The following ENPP3 variants were observed in gnomAD, a reference collection of about 807,000 sequenced individuals.
ENPP3 encodes the protein ectonucleotide pyrophosphatase/phosphodiesterase 3, also known as ectonucleotide pyrophosphatase/phosphodiesterase family member 3.
A neutral mutation model predicts 117.8 loss-of-function variants in ENPP3; 104 were observed. That is an observed-to-expected ratio of 0.88 (90% confidence interval 0.75 to 1.04). The LOEUF is 1.04. ENPP3 is among the 50% of genes least tolerant of loss of function. The pLI is 0.00. For missense variants in ENPP3, 1,026 were observed against 1,051.9 expected, an observed-to-expected ratio of 0.98 and a Z score of 0.34; for synonymous variants, 380 against 349.9, an observed-to-expected ratio of 1.09 and a Z score of -0.96.
At chr6:131,719,126 G>T (rs879096844) in intron 16 of ENPP3, among the ~76,000 whole-genome samples, 1 of 152,070 alleles carries the variant, frequency 6.6e-6, no homozygotes, top group African/African-American at 2.4e-5. Context: ...GTATTTTGGG[G>T]TACCCTGGGG....
chr6:131,669,554 G>A (rs1224415849), intron 6 of ENPP3, among the ~76,000 whole-genome samples: 2 of 147,260 alleles, frequency 1.4e-5, no homozygotes, highest in South Asian at 4.4e-4. Context: ...GGCACCTGTA[G>A]TCCCAGCTAC....
intron 14 of ENPP3, among the ~76,000 whole-genome samples, chr6:131,691,460 A>G (rs1256748369): frequency 6.6e-6 from 1 of 151,206 alleles, no homozygotes; most frequent in Non-Finnish European, 1.5e-5. Flanking sequence ...ATGGTGGTGG[A>G]TGCCTGTAAT....
At position 131,676,758 on chromosome 6, in the gene ENPP3, A is replaced by G. The variant is rs140339528; in HGVS notation, c.895A>G (p.Ile299Val). ...CAGAAGTGTCCCATTTGAAGAGAGG[A>G]TTTCTACACTGTTAAAATGGCTGGA... ...YNGSVPFEER[I>V]STLLKWLDLP... The change falls in exon 10 of 25, where the codon ATT becomes GTT. Residue 299 changes from isoleucine (I) to valine (V), a missense_variant. Physicochemically the swap from Ile to Val is conservative, Grantham distance 29. Coordinates refer to ENST00000357639, the MANE Select transcript of ENPP3 (RefSeq NM_005021.5). The G allele has an allele frequency of 1.2e-6, 2 of 1,610,082 alleles. No individual in the cohort carries two copies. The highest frequency in any genetic ancestry group is 1.7e-6 in the Non-Finnish European group (2 of 1,176,598).
At chr6:131,723,829 A>T (rs9493080) in intron 18 of ENPP3, among the ~76,000 whole-genome samples, 27,493 of 84,462 alleles carry the variant, frequency 0.33, 2,683 homozygotes, top group East Asian at 0.52. Context: ...TCTCTCTCTC[A>T]CACACACACA....
intron 5 of ENPP3, among the ~76,000 whole-genome samples, chr6:131,657,821 G>C (rs540619137): frequency 6.6e-6 from 1 of 152,182 alleles, no homozygotes; most frequent in South Asian, 2.1e-4. Context: ...TTCAGTTAGT[G>C]AAAATTTATC....
At chr6:131,659,531 G>A (rs1438263243) in intron 6 of ENPP3, among the ~76,000 whole-genome samples, 2 of 151,790 alleles carry the variant, frequency 1.3e-5, no homozygotes, top group African/African-American at 4.8e-5. Context: ...TTTGACTCTG[G>A]GTAAGTTGAC....
intron 10 of ENPP3, 61 bp downstream of exon 10, chr6:131,676,862 T>C: frequency 4.4e-6 from 2 of 454,976 alleles, no homozygotes; most frequent in Non-Finnish European, 6.9e-6. Flanking sequence ...AAAAATGAAG[T>C]TTTTTTTTTT....
At position 131,638,256 on chromosome 6, in the gene ENPP3, C is replaced by T. The variant is rs965439997; in HGVS notation, c.78+794C>T. 2.6e-5 allele frequency among the ~76,000 whole-genome samples: 4 copies of T among 152,066 alleles called. No homozygotes were observed. In the South Asian group the frequency reaches 6.2e-4, roughly 24 times the overall value. On this transcript the variant is annotated intron_variant, in intron 1 of 24. Coordinates refer to ENST00000357639, the MANE Select transcript of ENPP3 (RefSeq NM_005021.5). ...TGGTACTTTCTCATTCTGAATTATT[C>T]TCTCCCCTTGCTTCTACCATGACAT...
chr6:131,647,449 A>C (rs750439227), intron 2 of ENPP3, among the ~76,000 whole-genome samples: 27 of 152,154 alleles, frequency 1.8e-4, no homozygotes, highest in Admixed American at 3.3e-4. Flanking sequence ...AGATCTTTGT[A>C]TGTTTCTTTA....
Position 131,726,194 on chromosome 6 carries a change from C to G in ENPP3, c.1947C>G (p.Pro649=). The change falls in exon 20 of 25, where the codon CCC becomes CCG. Residue 649 remains proline (P), a synonymous_variant. Transcript: ENST00000357639. ...CCATGTGGAGTTCATACACAGTCCC[C>G]CAGTTGGTAAGTTCCTGAGTCCATT... ...RMPMWSSYTV[P]QLGDTSPLPP... is the part of the protein sequence containing the mutation. 6.2e-7 allele frequency: 1 copy of G among 1,613,314 alleles called. No individual in the cohort carries two copies. Among genetic ancestry groups the G allele is most frequent in the Non-Finnish European group, 8.5e-7 (1 of 1,179,570 alleles).
rs1362299810 is a variant in ENPP3 at position 131,740,301 on chromosome 6, C to T, written c.2378C>T (p.Thr793Ile). The T allele has an allele frequency of 1.2e-6, 2 of 1,613,324 alleles. No individual in the cohort carries two copies. Among genetic ancestry groups the T allele is most frequent in the Non-Finnish European group, 1.7e-6 (2 of 1,179,576 alleles). The change falls in exon 24 of 25, where the codon ACA becomes ATA. Residue 793 changes from threonine (T) to isoleucine (I), a missense_variant. Physicochemically the swap from Thr to Ile is moderately conservative, Grantham distance 89. Coordinates refer to ENST00000357639, the MANE Select transcript of ENPP3 (RefSeq NM_005021.5). ...VLTSCKNKSHTPENCPGWLDV... is the reference protein window; with the variant it reads ...VLTSCKNKSHIPENCPGWLDV... ...ACCAGTTGTAAAAACAAGAGCCACA[C>T]ACCGGAAAACTGCCCTGGGTGGCTG...
chr6:131,643,943 CTGTGTGTGTG>C (rs60828787), intron 2 of ENPP3, among the ~76,000 whole-genome samples: 1 of 142,978 alleles, frequency 7.0e-6, no homozygotes, highest in Non-Finnish European at 1.5e-5. Context: ...GTGTGTGTGT[CTGTGTGTGTG>C]TGTGTGTGTG....
intron 1 of ENPP3, 126 bp from the exon 2 acceptor site, chr6:131,641,329 G>T: frequency 2.0e-6 from 1 of 512,038 alleles, no homozygotes. Context: ...GATCATTGTT[G>T]GATCTGGTAT....
intron 6 of ENPP3, among the ~76,000 whole-genome samples, chr6:131,662,446 TG>T: frequency 1.3e-5 from 2 of 152,300 alleles, no homozygotes; most frequent in South Asian, 2.1e-4. Context: ...TTTGCCATGT[TG>T]TCCAGGCTGG....
chr6:131,740,113 A>T, intron 23 of ENPP3, 111 bp from the exon 24 acceptor site: 1 of 772,256 alleles, frequency 1.3e-6, no homozygotes, highest in Non-Finnish European at 1.9e-6. Context: ...ACTTAGAATT[A>T]TAAGAATTAT....
chr6:131,649,421 C>A (rs1317819176), intron 2 of ENPP3, among the ~76,000 whole-genome samples: 4 of 152,198 alleles, frequency 2.6e-5, no homozygotes, highest in African/African-American at 9.6e-5. Context: ...GTTCTCCAAA[C>A]ATGCCTTCCT....
chr6:131,732,045 G>C (rs1051942204), intron 20 of ENPP3, among the ~76,000 whole-genome samples: 3 of 152,204 alleles, frequency 2.0e-5, no homozygotes, highest in African/African-American at 7.2e-5. Context: ...AGCATACAGT[G>C]TATGTTGCCT....
intron 15 of ENPP3, among the ~76,000 whole-genome samples, chr6:131,695,760 A>C (rs1302271185): frequency 6.6e-6 from 1 of 151,968 alleles, no homozygotes; most frequent in Non-Finnish European, 1.5e-5. Context: ...CTAAAAAAAT[A>C]CAAAAATTGG....
At chr6:131,646,573 G>A (rs1355636966) in intron 2 of ENPP3, among the ~76,000 whole-genome samples, 1 of 151,990 alleles carries the variant, frequency 6.6e-6, no homozygotes, top group African/African-American at 2.4e-5. Flanking sequence ...GGCAGGGTGA[G>A]TAGTGACTGC....
Sources: allele counts gnomAD v4.1 joint callset (sites outside exome capture counted in the v4.1 genomes callset), GRCh38; gene constraint gnomAD v4.1.1; transcripts MANE v1.5; gene names NCBI Gene and HGNC (gene_info 2026-07-23, HGNC 2026-07-21).